Variants in PRKACA observed in about 807,000 individuals in gnomAD.
The protein encoded by PRKACA is protein kinase cAMP-activated catalytic subunit alpha, also known as cAMP-dependent protein kinase catalytic subunit alpha.
Under a neutral mutation model 45.8 loss-of-function variants are expected in PRKACA, and 9 were observed. The ratio of observed to expected loss-of-function variants is 0.20; its 90% CI spans 0.12 to 0.34. The LOEUF is 0.34. Among genes scored for constraint, PRKACA ranks in the 10% least tolerant of loss-of-function variants. The probability of loss-of-function intolerance (pLI) is 1.00; values close to 1 mark genes in which losing one functional copy is unlikely to be tolerated. For missense variants in PRKACA, 238 were observed against 458.6 expected (o/e 0.52, Z 4.39); for synonymous variants, 160 against 178.6 (o/e 0.90, Z 0.83).
In PRKACA at chr19:14,107,357, A is replaced by C; in HGVS notation, c.99T>G (p.Ser33Arg). 6.2e-7 allele frequency: 1 copy of C among 1,614,080 alleles called. No homozygotes were observed. The highest frequency in any genetic ancestry group is 8.5e-7 in the Non-Finnish European group (1 of 1,179,966). ...AKEDFLKKWESPAQNTAHLDQ... is the reference protein window; with the variant it reads ...AKEDFLKKWERPAQNTAHLDQ... ...CACCCGGCAGCCTTACCTGAGCGGG[A>C]CTTTCCCATTTTTTAAGAAAATCTT... Residue 33 changes from serine to arginine, a missense_variant, in exon 2 of 10, where the codon AGT (serine) becomes AGG (arginine). Physicochemically the swap from Ser to Arg is moderately radical, Grantham distance 110. Transcript: ENST00000308677.
rs761997862 is a variant in PRKACA at position 14,097,524 on chromosome 19, G to A, written c.643-41C>T. On this transcript the variant is annotated intron_variant, in intron 7 of 9. Coordinates refer to ENST00000308677, the MANE Select transcript of PRKACA (RefSeq NM_002730.4). This position sits in a 1 kb window ranked among gnomAD's most constrained non-coding sequence, Gnocchi z 5.4. Reference sequence around the variant, plus strand: ...GGGGCACAGGGTGAGGAGGAGGCGAGAGCAGGAGAGCAGAGCCGGCCTCAG... The same window carrying A: ...GGGGCACAGGGTGAGGAGGAGGCGAAAGCAGGAGAGCAGAGCCGGCCTCAG... 1.2e-6 allele frequency: 2 copies of A among 1,613,700 alleles called. No homozygotes were observed. The highest frequency in any genetic ancestry group is 2.2e-5 in the East Asian group (1 of 44,878).
chr19:14,093,071 A>G lies in PRKACA; in HGVS notation c.*41T>C. 2 of 1,423,922 alleles carry G rather than the reference A, an allele frequency of 1.4e-6. No homozygotes were observed. Among genetic ancestry groups the G allele is most frequent in the Non-Finnish European group, 1.9e-6 (2 of 1,073,496 alleles). 88.2% of individuals were successfully genotyped at this position (1,423,922 alleles called of 1,614,324 possible). A position where few individuals can be genotyped will look rare whatever the true frequency, so the allele number is the denominator to read the frequency against. On this transcript the variant is annotated 3_prime_UTR_variant, in exon 10 of 10. Coordinates refer to ENST00000308677, the MANE Select transcript of PRKACA (RefSeq NM_002730.4). Reference sequence around the variant, plus strand: ...TCCCACCCCCCCGACCAAAAAAAAGAAAAAAGAAAAAAGAAAACCCATGGG... The same window carrying G: ...TCCCACCCCCCCGACCAAAAAAAAGGAAAAAGAAAAAAGAAAACCCATGGG...
At chr19:14,093,362 G>A (rs1201601561) in intron 9 of PRKACA, 125 bp from the exon 10 acceptor site, 1 of 1,317,640 alleles carries the variant, frequency 7.6e-7, no homozygotes, top group African/African-American at 1.5e-5. Flanking sequence ...TTACCATTAG[G>A]TTATGGATTC....
intron 4 of PRKACA, 62 bp downstream of exon 4, chr19:14,102,754 T>G: frequency 7.0e-7 from 1 of 1,430,542 alleles, no homozygotes; most frequent in South Asian, 1.1e-5. Context: ...ACCCCAGCCC[T>G]GGGGGCCAGA....
At chr19:14,101,592 G>A (rs753605998) in intron 4 of PRKACA, among the ~76,000 whole-genome samples, 8 of 151,310 alleles carry the variant, frequency 5.3e-5, no homozygotes, top group South Asian at 2.1e-4. Flanking sequence ...GGCCGGGCAC[G>A]GCTCACACCT....
intron 1 of PRKACA, 200 bp from the exon 2 acceptor site, chr19:14,107,609 T>G (rs930138061): frequency 1.2e-5 from 16 of 1,338,146 alleles, no homozygotes; most frequent in Non-Finnish European, 1.6e-5. Flanking sequence ...CAGCTGCCAC[T>G]CCATCCAAAG....
At chr19:14,104,695 C>CAA (rs1187253406) in intron 3 of PRKACA, among the ~76,000 whole-genome samples, 12 of 53,200 alleles carry the variant, frequency 2.3e-4, no homozygotes, top group East Asian at 5.9e-4. Flanking sequence ...GACTCCATCT[C>CAA]AAAAAAAAAA....
rs1260253257 is a variant in PRKACA, at chr19:14,092,304, A to C, written c.*808T>G. 1 of 237,494 alleles carries C rather than the reference A, an allele frequency of 4.2e-6. No individual in the cohort carries two copies. The highest frequency in any genetic ancestry group is 8.1e-6 in the Non-Finnish European group (1 of 123,626). The allele number at this position is 237,494 out of a possible 1,614,324, so 14.7% of individuals were successfully genotyped here. A position where few individuals can be genotyped will look rare whatever the true frequency, so the allele number is the denominator to read the frequency against. ...TGCTTTGTCTGGCTTTCAAAGCCCA[A>C]GGGTGAAGACAGGTCTGTTGGGGAA... On this transcript the variant is annotated 3_prime_UTR_variant, in exon 10 of 10. Coordinates refer to ENST00000308677, the MANE Select transcript of PRKACA (RefSeq NM_002730.4).
chr19:14,096,163 C>G (rs1456220080), intron 8 of PRKACA, among the ~76,000 whole-genome samples: 1 of 151,178 alleles, frequency 6.6e-6, no homozygotes, highest in Non-Finnish European at 1.5e-5. Context: ...CTCAGCCTCC[C>G]AAGTAGCTGG....
intron 3 of PRKACA, among the ~76,000 whole-genome samples, chr19:14,105,297 A>C (rs542223412): frequency 1.3e-5 from 2 of 152,222 alleles, no homozygotes; most frequent in Non-Finnish European, 2.9e-5. Flanking sequence ...GGATTACCTG[A>C]GGTCAGGAGT....
intron 1 of PRKACA, among the ~76,000 whole-genome samples, chr19:14,110,019 CAT>C (rs1966922752): frequency 8.9e-6 from 1 of 112,706 alleles, no homozygotes; most frequent in African/African-American, 3.4e-5. Flanking sequence ...CACACACACA[CAT>C]AGGGAGAGCC....
intron 8 of PRKACA, among the ~76,000 whole-genome samples, chr19:14,094,567 G>A (rs1599333098): frequency 6.6e-6 from 1 of 152,190 alleles, no homozygotes; most frequent in Non-Finnish European, 1.5e-5. Context: ...ATTGCTCTAA[G>A]GCAAGTGCTA....
At chr19:14,111,980 C>T (rs1196618916) in intron 1 of PRKACA, among the ~76,000 whole-genome samples, 1 of 152,226 alleles carries the variant, frequency 6.6e-6, no homozygotes, top group African/African-American at 2.4e-5. Flanking sequence ...ACTCGCTGAG[C>T]TCCCAGCCCC....
intron 1 of PRKACA, among the ~76,000 whole-genome samples, chr19:14,115,513 T>C (rs1458660384): frequency 2.0e-5 from 3 of 152,114 alleles, no homozygotes; most frequent in Non-Finnish European, 4.4e-5. Flanking sequence ...TTTGGAAAAT[T>C]TGGATAACAG....
In PRKACA at chr19:14,094,185, GAAAAAAAAA is replaced by G. The variant is rs940405502; in HGVS notation, c.766-402_766-394del. 6.1e-3 allele frequency among the ~76,000 whole-genome samples: 360 copies of G among 58,940 alleles called. 1 individual carries two copies. The highest frequency in any genetic ancestry group is 8.3e-3 in the Non-Finnish European group (262 of 31,396). The allele number at this position is 58,940 out of a possible 152,430, so 38.7% of individuals were successfully genotyped here. On this transcript the variant is annotated intron_variant, in intron 8 of 9. Transcript: ENST00000308677. Reference sequence around the variant, plus strand: ...AGCAAGAATCTGCATTTCTTTTTTTGAAAAAAAAAAAAAAAAAAAAAAAAAAATAGCCTC... The same window carrying G: ...AGCAAGAATCTGCATTTCTTTTTTTGAAAAAAAAAAAAAAAAAATAGCCTC...
At position 14,092,917 on chromosome 19, in the gene PRKACA, G is replaced by T; in HGVS notation, c.*195C>A. The T allele has an allele frequency of 1.5e-6, 1 of 648,960 alleles. No individual in the cohort carries two copies. Among genetic ancestry groups the T allele is most frequent in the African/African-American group, 1.8e-5 (1 of 54,702 alleles). 40.2% of individuals were successfully genotyped at this position (648,960 alleles called of 1,614,324 possible). A position where few individuals can be genotyped will look rare whatever the true frequency, so the allele number is the denominator to read the frequency against. The stretch of plus-strand genomic sequence containing the variant: ...GGGGGCAGGAGGGTGAAGGGGATGA[G>T]GGGGAGCAGCTGGTGTTTCTGTCCC... On this transcript the variant is annotated 3_prime_UTR_variant, in exon 10 of 10. Coordinates refer to ENST00000308677, the MANE Select transcript of PRKACA (RefSeq NM_002730.4).
At chr19:14,098,910 C>A (rs1977353618) in intron 5 of PRKACA, among the ~76,000 whole-genome samples, 1 of 150,876 alleles carries the variant, frequency 6.6e-6, no homozygotes, top group African/African-American at 2.4e-5. Flanking sequence ...TAGCTATATA[C>A]AACTGTCAAA....
At chr19:14,111,439 G>A (rs1471260361) in intron 1 of PRKACA, among the ~76,000 whole-genome samples, 4 of 151,882 alleles carry the variant, frequency 2.6e-5, no homozygotes. Context: ...GATGGAGAGA[G>A]ACCGTGGCCA....
rs200722573 is a variant in PRKACA, at chr19:14,097,737, C to T, written c.546+27G>A. On this transcript the variant is annotated intron_variant, in intron 6 of 9. Transcript: ENST00000308677. This position sits in a 1 kb window ranked among gnomAD's most constrained non-coding sequence, Gnocchi z 5.4. ...GGTCCAGGCCACGGCTTCCCCAGGG[C>T]TGCCCCTCGCCCGGCCTGGTGGGCA... The T allele has an allele frequency of 1.2e-5, 20 of 1,614,014 alleles. No individual in the cohort carries two copies. In the African/African-American group the frequency reaches 2.1e-4, roughly 17 times the overall value.
Sources: allele counts gnomAD v4.1 joint callset (sites outside exome capture counted in the v4.1 genomes callset), GRCh38; gene constraint gnomAD v4.1.1; non-coding constraint Gnocchi (gnomAD v3.1); transcripts MANE v1.5; gene names NCBI Gene and HGNC (gene_info 2026-07-23, HGNC 2026-07-21).